Variants in PTPRD observed in about 807,000 individuals in gnomAD.
The protein encoded by PTPRD is receptor-type tyrosine-protein phosphatase delta.
A neutral mutation model predicts 214.5 loss-of-function variants in PTPRD; 34 were observed. The ratio of observed to expected loss-of-function variants is 0.16; its 90% CI spans 0.12 to 0.21. The LOEUF (loss-of-function observed/expected upper bound fraction) is 0.21, where lower values mean the gene tolerates loss of function less well. PTPRD is among the 10% of genes least tolerant of loss of function. The pLI, the probability that PTPRD is intolerant of heterozygous loss-of-function variation, is 1.00. For synonymous variants in PTPRD, 1,128 were observed against 845.7 expected (o/e 1.33, Z -5.79); for missense variants, 2,545 against 2,398.7 (o/e 1.06, Z -1.27).
At chr9:10,218,276 C>G (rs982201263) in intron 3 of PTPRD, among the ~76,000 whole-genome samples, 5 of 151,866 alleles carry the variant, frequency 3.3e-5, no homozygotes, top group Admixed American at 6.6e-5. Context: ...AAAATCCAAA[C>G]AGTAAACTAA....
At chr9:8,327,557 T>C (rs1455605714) in intron 44 of PTPRD, among the ~76,000 whole-genome samples, 2 of 152,182 alleles carry the variant, frequency 1.3e-5, no homozygotes, top group Non-Finnish European at 2.9e-5. Context: ...TAGGTCTGCT[T>C]GGTCCAGAGC....
At chr9:10,485,162 G>C (rs1320033848) in intron 2 of PTPRD, among the ~76,000 whole-genome samples, 1 of 151,862 alleles carries the variant, frequency 6.6e-6, no homozygotes, top group Non-Finnish European at 1.5e-5. Flanking sequence ...TCTTGAAAAT[G>C]AGTTCACTGC....
chr9:9,972,348 A>G (rs6477432), intron 4 of PTPRD, among the ~76,000 whole-genome samples: 129,960 of 152,128 alleles, frequency 0.85, 56,529 homozygotes, highest in African/African-American at 0.97. Context: ...AAAAATTATT[A>G]GTAGACTTAG....
At chr9:9,665,982 C>T (rs915364563) in intron 7 of PTPRD, among the ~76,000 whole-genome samples, 3 of 151,750 alleles carry the variant, frequency 2.0e-5, no homozygotes, top group African/African-American at 7.3e-5. Context: ...ATATGAAAGT[C>T]CTTTATCTTT....
At chr9:8,498,571 T>TCAACTTGCTTCATAACCTTTC (rs1445187338) in intron 25 of PTPRD, among the ~76,000 whole-genome samples, 1 of 152,216 alleles carries the variant, frequency 6.6e-6, no homozygotes, top group Non-Finnish European at 1.5e-5. Context: ...GCCGCAGTTT[T>TCAACTTGCTTCATAACCTTTC]CAACTTGCTT....
At chr9:9,044,593 A>G (rs781532619) in intron 10 of PTPRD, among the ~76,000 whole-genome samples, 3 of 152,184 alleles carry the variant, frequency 2.0e-5, no homozygotes, top group Non-Finnish European at 2.9e-5. Context: ...ACTAAATAAC[A>G]ATGACACTGT....
intron 5 of PTPRD, among the ~76,000 whole-genome samples, chr9:9,819,474 A>G (rs2049961297): frequency 6.6e-6 from 1 of 152,182 alleles, no homozygotes; most frequent in South Asian, 2.1e-4. Context: ...GCTGTAATAC[A>G]TAACTTACTT....
At chr9:10,513,514 A>G (rs2048987187) in intron 2 of PTPRD, among the ~76,000 whole-genome samples, 1 of 152,184 alleles carries the variant, frequency 6.6e-6, no homozygotes, top group African/African-American at 2.4e-5. Context: ...CATACAGGAA[A>G]TAAGGAACAG....
At chr9:10,576,757 T>G (rs756702742) in intron 2 of PTPRD, among the ~76,000 whole-genome samples, 2 of 152,180 alleles carry the variant, frequency 1.3e-5, no homozygotes, top group Non-Finnish European at 2.9e-5. Context: ...ATATTTTAAT[T>G]ATTATTTCAC....
At chr9:10,168,074 T>C (rs948474594) in intron 3 of PTPRD, among the ~76,000 whole-genome samples, 1 of 152,212 alleles carries the variant, frequency 6.6e-6, no homozygotes. Context: ...AGCTATATTT[T>C]AAGACTGTGT....
chr9:9,211,803 TA>T (rs889508198), intron 9 of PTPRD, among the ~76,000 whole-genome samples: 3 of 145,318 alleles, frequency 2.1e-5, no homozygotes, highest in African/African-American at 7.8e-5. Flanking sequence ...AAACTGGTAC[TA>T]TTTTTTTTTT....
At chr9:10,367,788 C>G (rs10809078) in intron 2 of PTPRD, among the ~76,000 whole-genome samples, 62,972 of 151,916 alleles carry the variant, frequency 0.41, 16,595 homozygotes, top group Non-Finnish European at 0.6. Flanking sequence ...GGGATACAGA[C>G]AGTATCTACT....
intron 11 of PTPRD, among the ~76,000 whole-genome samples, chr9:8,767,562 G>T (rs1332224592): frequency 6.6e-6 from 1 of 152,020 alleles, no homozygotes; most frequent in Non-Finnish European, 1.5e-5. Flanking sequence ...TATCAGTGAG[G>T]GTGCACCATA....
Position 9,634,735 on chromosome 9 carries a change from G to C in PTPRD, c.-286-59954C>G, listed in dbSNP as rs148239237. On this transcript the variant is annotated intron_variant, in intron 7 of 45. Transcript: ENST00000381196. ...TGATATCTTATTTGAGTAGATTTCT[G>C]TGCATACTACGTATATATTTTAATT... Among the ~76,000 whole-genome samples the C allele has an allele frequency of 2.0e-5, 3 of 152,206 alleles. No individual in the cohort carries two copies. In the East Asian group the frequency reaches 5.8e-4, roughly 29 times the overall value.
At chr9:10,598,674 A>ATGTGTGTGTGTGTG (rs36093644) in intron 2 of PTPRD, among the ~76,000 whole-genome samples, 1 of 143,796 alleles carries the variant, frequency 7.0e-6, no homozygotes, top group South Asian at 2.3e-4. Flanking sequence ...TTATATATGT[A>ATGTGTGTGTGTGTG]TGTGTGTGTG....
chr9:8,347,702 C>G (rs1221501275), intron 39 of PTPRD, among the ~76,000 whole-genome samples: 1 of 152,112 alleles, frequency 6.6e-6, no homozygotes, highest in African/African-American at 2.4e-5. Flanking sequence ...CATGAAGTCA[C>G]AAGGTGGGAG....
At chr9:9,395,271 G>A (rs916886319) in intron 9 of PTPRD, among the ~76,000 whole-genome samples, 14 of 151,990 alleles carry the variant, frequency 9.2e-5, no homozygotes, top group African/African-American at 3.4e-4. Context: ...CATCACTTGA[G>A]AACTTGTTGA....
chr9:9,837,663 G>C (rs1002252811), intron 5 of PTPRD, among the ~76,000 whole-genome samples: 3 of 152,142 alleles, frequency 2.0e-5, no homozygotes, highest in African/African-American at 7.2e-5. Flanking sequence ...CAGTGTCAGT[G>C]ACATGAGGGG....
intron 25 of PTPRD, 21 bp from the exon 26 acceptor site, chr9:8,497,289 T>G (rs2097298002): frequency 3.2e-6 from 5 of 1,586,218 alleles, no homozygotes; most frequent in Non-Finnish European, 4.3e-6. Flanking sequence ...ATAAGAAGGT[T>G]GGGAGGAAAA....
Sources: allele counts gnomAD v4.1 joint callset (sites outside exome capture counted in the v4.1 genomes callset), GRCh38; gene constraint gnomAD v4.1.1; transcripts MANE v1.5; gene names NCBI Gene and HGNC (gene_info 2026-07-23, HGNC 2026-07-21).